IL15: variants seen among roughly 807,000 people sequenced by gnomAD.
IL15 encodes the protein interleukin-15.
In IL15, 11 loss-of-function variants were observed where a neutral mutation model predicts 19.6. That is an observed-to-expected ratio of 0.56 (90% CI 0.35 to 0.93). IL15 has a LOEUF of 0.93. IL15 is among the 40% of genes least tolerant of loss of function. The pLI, the probability that IL15 is intolerant of heterozygous loss-of-function variation, is 0.01. For missense variants in IL15, 197 were observed against 186.5 expected, an observed-to-expected ratio of 1.06 and a Z score of -0.33; for synonymous variants, 58 against 59.6, an observed-to-expected ratio of 0.97 and a Z score of 0.12.
Position 141,719,377 on chromosome 4 carries a change from G to T in IL15, c.-88G>T. 2 of 707,880 alleles carry T rather than the reference G, an allele frequency of 2.8e-6. No homozygotes were observed. Among genetic ancestry groups the T allele is most frequent in the South Asian group, 1.7e-5 (1 of 60,430 alleles). 43.8% of individuals were successfully genotyped at this position (707,880 alleles called of 1,614,324 possible). A position where few individuals can be genotyped will look rare whatever the true frequency, so the allele number is the denominator to read the frequency against. On this transcript the variant is annotated 5_prime_UTR_variant, in exon 3 of 8. In the 5' UTR this introduces an upstream ATG that the reference lacks. Transcript: ENST00000320650. The stretch of plus-strand genomic sequence containing the variant: ...ATACTTTACCCTAGATTGTATTGTA[G>T]GAGGCATTGTGGATGGATGGCTGCT...
intron 2 of IL15, among the ~76,000 whole-genome samples, chr4:141,657,442 T>C (rs951361671): frequency 4.0e-5 from 6 of 151,862 alleles, no homozygotes; most frequent in African/African-American, 1.4e-4. Flanking sequence ...TTATTATAAT[T>C]TTTTAAAGTT....
intron 2 of IL15, among the ~76,000 whole-genome samples, chr4:141,709,559 A>G (rs1560931416): frequency 1.3e-5 from 2 of 151,910 alleles, no homozygotes; most frequent in Admixed American, 6.5e-5. Flanking sequence ...ATGCTACAAA[A>G]CAACGATTTT....
chr4:141,664,840 T>A (rs561098266), intron 2 of IL15, among the ~76,000 whole-genome samples: 1 of 152,186 alleles, frequency 6.6e-6, no homozygotes, highest in Non-Finnish European at 1.5e-5. Context: ...CTCATATTGT[T>A]TCATTTTTTA....
At chr4:141,659,951 C>T (rs977909909) in intron 2 of IL15, among the ~76,000 whole-genome samples, 4 of 151,936 alleles carry the variant, frequency 2.6e-5, no homozygotes, top group African/African-American at 9.7e-5. Flanking sequence ...TCTTGGTGGC[C>T]AGTGATAGTT....
chr4:141,678,261 A>G, intron 2 of IL15, among the ~76,000 whole-genome samples: 1 of 152,184 alleles, frequency 6.6e-6, no homozygotes, highest in East Asian at 1.9e-4. Flanking sequence ...CTATTTTATT[A>G]CAAGCTTTGA....
rs551033795 is a variant in IL15, at chr4:141,654,353, G to A, written c.-221-1833G>A. Among the ~76,000 whole-genome samples the A allele has an allele frequency of 2.0e-5, 3 of 152,308 alleles. No homozygotes were observed. In the South Asian group the frequency reaches 6.2e-4, roughly 32 times the overall value. On this transcript the variant is annotated intron_variant, in intron 1 of 7. Coordinates refer to ENST00000320650, the MANE Select transcript of IL15 (RefSeq NM_000585.5). The stretch of plus-strand genomic sequence containing the variant: ...CCATTGAAAGCATTTATCAGGAGGG[G>A]CTCAGCTATGAGCTGTCAGCTGGAA...
intron 5 of IL15, among the ~76,000 whole-genome samples, chr4:141,722,723 C>A (rs954782532): frequency 6.6e-6 from 1 of 152,002 alleles, no homozygotes; most frequent in African/African-American, 2.4e-5. Flanking sequence ...TGTTGGAATT[C>A]TCTGACATAG....
At chr4:141,685,034 A>G (rs1488139519) in intron 2 of IL15, among the ~76,000 whole-genome samples, 2 of 151,834 alleles carry the variant, frequency 1.3e-5, no homozygotes, top group Non-Finnish European at 2.9e-5. Flanking sequence ...GCTGATTTGT[A>G]TTTCCTCTTG....
rs889818328 is a variant in IL15 at position 141,656,232 on chromosome 4, A to G, written c.-175A>G. The G allele has an allele frequency of 5.0e-6, 2 of 398,332 alleles. No individual in the cohort carries two copies. The highest frequency in any genetic ancestry group is 7.1e-5 in the East Asian group (2 of 28,070). 24.7% of individuals were successfully genotyped at this position (398,332 alleles called of 1,614,324 possible). A position where few individuals can be genotyped will look rare whatever the true frequency, so the allele number is the denominator to read the frequency against. The stretch of plus-strand genomic sequence containing the variant: ...ATGTGGCTCTTTGGAGCAATGTTCC[A>G]TCATGTTCCATGCTGCTGACGTCAC... On this transcript the variant is annotated 5_prime_UTR_variant, in exon 2 of 8. Transcript: ENST00000320650.
At chr4:141,696,296 G>GT (rs1729092580) in intron 2 of IL15, among the ~76,000 whole-genome samples, 1 of 151,990 alleles carries the variant, frequency 6.6e-6, no homozygotes, top group Non-Finnish European at 1.5e-5. Context: ...CTATGAGTCT[G>GT]TTTTTTATGC....
intron 2 of IL15, chr4:141,717,175 T>A (rs1259042158): frequency 6.6e-6 from 1 of 152,172 alleles, no homozygotes; most frequent in African/African-American, 2.4e-5. Context: ...CCTACTAGGA[T>A]GGAATGAATA....
chr4:141,646,618 T>A (rs1317379896), intron 1 of IL15, among the ~76,000 whole-genome samples: 2 of 152,102 alleles, frequency 1.3e-5, no homozygotes, highest in African/African-American at 2.4e-5. Context: ...GTGTTTACTA[T>A]ATATCATGTA....
chr4:141,684,291 C>A (rs570522392), intron 2 of IL15, among the ~76,000 whole-genome samples: 379 of 152,202 alleles, frequency 2.5e-3, no homozygotes, highest in Non-Finnish European at 4.8e-3. Context: ...GGCTATTTAT[C>A]AGATTAGGAT....
chr4:141,686,479 T>C (rs1023656489), intron 2 of IL15, among the ~76,000 whole-genome samples: 2 of 152,196 alleles, frequency 1.3e-5, no homozygotes, highest in African/African-American at 4.8e-5. Flanking sequence ...CATGTTCAAA[T>C]CCTGACACTG....
Position 141,732,774 on chromosome 4 carries a change from C to G in IL15, c.415C>G (p.Leu139Val). The G allele has an allele frequency of 6.2e-7, 1 of 1,612,778 alleles. No homozygotes were observed. Residue 139 changes from leucine to valine, a missense_variant, in exon 8 of 8, where the codon CTG becomes GTG. Physicochemically the swap from Leu to Val is conservative, Grantham distance 32. Coordinates refer to ENST00000320650, the MANE Select transcript of IL15 (RefSeq NM_000585.5). ...ATCTGGATGCAAAGAATGTGAGGAA[C>G]TGGAGGAAAAAAATATTAAAGAATT... Reference protein sequence around the residue: ...TESGCKECEELEEKNIKEFLQ... With the variant: ...TESGCKECEEVEEKNIKEFLQ...
chr4:141,651,210 A>G (rs1030246031), intron 1 of IL15, among the ~76,000 whole-genome samples: 1 of 151,984 alleles, frequency 6.6e-6, no homozygotes, highest in South Asian at 2.1e-4. Context: ...ATATATATAA[A>G]CACATATATA....
At position 141,732,931 on chromosome 4, in the gene IL15, C is replaced by A. The variant is rs10519613; in HGVS notation, c.*83C>A. On this transcript the variant is annotated 3_prime_UTR_variant, in exon 8 of 8. Transcript: ENST00000320650. Reference sequence around the variant, plus strand: ...AGACATAACAAAACACTCGGCATTTCAAATGTGCTGTCAAAACAAGTTTTT... The same window carrying A: ...AGACATAACAAAACACTCGGCATTTAAAATGTGCTGTCAAAACAAGTTTTT... The A allele has an allele frequency of 0.11, 171,731 of 1,512,148 alleles. 13,936 individuals carry two copies. Among genetic ancestry groups the A allele is most frequent in the East Asian group, 0.44 (18,407 of 41,922 alleles). 93.7% of individuals were successfully genotyped at this position (1,512,148 alleles called of 1,614,324 possible). A position where few individuals can be genotyped will look rare whatever the true frequency, so the allele number is the denominator to read the frequency against.
chr4:141,722,123 G>T, intron 5 of IL15, 115 bp downstream of exon 5: 1 of 1,259,864 alleles, frequency 7.9e-7, no homozygotes, highest in Non-Finnish European at 1.0e-6. Flanking sequence ...TATTTTTGTA[G>T]AAATTTATGA....
At chr4:141,636,998 G>C (rs1726878465) in intron 1 of IL15, 1 of 152,400 alleles carries the variant, frequency 6.6e-6, no homozygotes, top group Admixed American at 6.5e-5. Flanking sequence ...AGCGCAGATC[G>C]CAGGTCCCTT....
Sources: gnomAD v4.1 joint callset for allele counts (sites outside exome capture counted in the v4.1 genomes callset) on GRCh38, gnomAD v4.1.1 for gene constraint, MANE v1.5 for transcripts, NCBI Gene and HGNC (gene_info 2026-07-23, HGNC 2026-07-21) for gene names.